The following GRID2 variants were observed in gnomAD, a reference collection of about 807,000 sequenced individuals.
GRID2 encodes the protein glutamate ionotropic receptor delta type subunit 2.
GRID2 carries 33 observed loss-of-function variants against 114.8 expected under a neutral mutation model. That is an observed-to-expected ratio of 0.29 (90% CI 0.22 to 0.38). The LOEUF (loss-of-function observed/expected upper bound fraction) is 0.38. Ranked by LOEUF, GRID2 falls within the 10% of genes least tolerant of loss-of-function variation. GRID2 has a pLI of 1.00. For missense variants in GRID2, 1,184 were observed against 1,257.7 expected (o/e 0.94, Z 0.89); for synonymous variants, 505 against 449.9 (o/e 1.12, Z -1.55).
chr4:93,346,037 A>C (rs1041858502), intron 8 of GRID2, among the ~76,000 whole-genome samples: 1 of 152,066 alleles, frequency 6.6e-6, no homozygotes, highest in Admixed American at 6.6e-5. Flanking sequence ...TGCTGTTTTA[A>C]TTGCTATAGC....
intron 1 of GRID2, among the ~76,000 whole-genome samples, chr4:92,334,593 T>C (rs1466680430): frequency 2.0e-5 from 3 of 152,050 alleles, no homozygotes; most frequent in South Asian, 4.1e-4. Context: ...CTCGTTTTTT[T>C]TTTTAACAAG....
intron 12 of GRID2, 129 bp from the exon 13 acceptor site, chr4:93,515,087 A>C (rs572672855): frequency 2.3e-6 from 1 of 443,140 alleles, no homozygotes; most frequent in East Asian, 3.4e-5. Context: ...TCAGAAAACA[A>C]TAAAATAAGA....
At chr4:93,106,904 T>C (rs1488219905) in intron 3 of GRID2, among the ~76,000 whole-genome samples, 2 of 152,130 alleles carry the variant, frequency 1.3e-5, no homozygotes. Flanking sequence ...TTACTAACAA[T>C]AAAGGAATTA....
At chr4:93,557,660 T>G (rs1418057182) in intron 13 of GRID2, among the ~76,000 whole-genome samples, 1 of 152,172 alleles carries the variant, frequency 6.6e-6, no homozygotes, top group Non-Finnish European at 1.5e-5. Context: ...CACCCCACTG[T>G]CAGTATTAGA....
intron 4 of GRID2, among the ~76,000 whole-genome samples, chr4:93,184,780 G>A (rs1051969092): frequency 1.3e-5 from 2 of 152,136 alleles, no homozygotes; most frequent in Non-Finnish European, 2.9e-5. Flanking sequence ...TACTCAGGAG[G>A]CTGAGACAGG....
chr4:93,722,212 GGCCAATAA>G (rs1729441921), intron 14 of GRID2, among the ~76,000 whole-genome samples: 1 of 151,828 alleles, frequency 6.6e-6, no homozygotes, highest in Admixed American at 6.6e-5. Context: ...CACCACGCCC[GGCCAATAA>G]GTTGTTAATA....
chr4:92,325,875 CAATT>C (rs1364807444), intron 1 of GRID2, among the ~76,000 whole-genome samples: 20 of 151,674 alleles, frequency 1.3e-4, no homozygotes. Flanking sequence ...TTTCAGCAAT[CAATT>C]CTTAATTTCT....
chr4:92,500,941 A>G (rs1401667366), intron 1 of GRID2, among the ~76,000 whole-genome samples: 1 of 152,082 alleles, frequency 6.6e-6, no homozygotes, highest in East Asian at 1.9e-4. Context: ...AGATTCATTC[A>G]TGTTCTGTTC....
At chr4:93,088,091 A>C (rs1171700989) in intron 3 of GRID2, among the ~76,000 whole-genome samples, 5 of 152,174 alleles carry the variant, frequency 3.3e-5, no homozygotes, top group African/African-American at 1.2e-4. Context: ...TTTTAAAAAG[A>C]TTTAGACTTC....
intron 2 of GRID2, among the ~76,000 whole-genome samples, chr4:92,876,073 A>G (rs1211889592): frequency 2.6e-5 from 4 of 151,936 alleles, no homozygotes; most frequent in Admixed American, 2.0e-4. Flanking sequence ...CCTATATACC[A>G]AATACTATAA....
chr4:92,884,851 G>A, intron 2 of GRID2: 1 of 385,160 alleles, frequency 2.6e-6, no homozygotes, highest in South Asian at 2.2e-5. Flanking sequence ...GAATTACTAA[G>A]TATGTCCATA....
intron 8 of GRID2, among the ~76,000 whole-genome samples, chr4:93,292,986 T>C (rs543616450): frequency 1.3e-5 from 2 of 152,286 alleles, no homozygotes; most frequent in Admixed American, 1.3e-4. Flanking sequence ...CCTTTAGCTG[T>C]GGAGTGTACT....
intron 2 of GRID2, among the ~76,000 whole-genome samples, chr4:92,759,153 G>A (rs541933356): frequency 3.3e-5 from 5 of 152,190 alleles, no homozygotes; most frequent in Admixed American, 2.6e-4. Flanking sequence ...CTAGTAGAGA[G>A]AAGGTCACAT....
chr4:93,294,666 C>T (rs925104614), intron 8 of GRID2, among the ~76,000 whole-genome samples: 6 of 152,128 alleles, frequency 3.9e-5, no homozygotes, highest in Non-Finnish European at 8.8e-5. Context: ...TCAAACAATT[C>T]TCCTGCCTCA....
intron 2 of GRID2, among the ~76,000 whole-genome samples, chr4:92,724,758 G>A (rs1176937716): frequency 6.6e-6 from 1 of 151,960 alleles, no homozygotes; most frequent in African/African-American, 2.4e-5. Flanking sequence ...ATGCTGTGAA[G>A]AATACATAAA....
chr4:93,802,106 G>C (rs1734942993), intron 1 of GRID2, among the ~76,000 whole-genome samples: 1 of 152,136 alleles, frequency 6.6e-6, no homozygotes, highest in Non-Finnish European at 1.5e-5. Flanking sequence ...CCGATTCCTG[G>C]GAAGTTCTTT....
chr4:92,311,777 A>T (rs1280663093), intron 1 of GRID2, among the ~76,000 whole-genome samples: 1 of 152,028 alleles, frequency 6.6e-6, no homozygotes, highest in Admixed American at 6.6e-5. Context: ...TAATTGGGAG[A>T]ATATTCTTTT....
Position 92,355,106 on chromosome 4 carries a change from A to T in GRID2, c.88+50362A>T, listed in dbSNP as rs1579229110. ...TGCCTTTTCTAATCATCAATATATG[A>T]TGCTGTTTTTTGAAATGTATTTGTT... On this transcript the variant is annotated intron_variant, in intron 1 of 15. Transcript: ENST00000282020. 2.0e-5 allele frequency among the ~76,000 whole-genome samples: 3 copies of T among 151,954 alleles called. No individual in the cohort carries two copies. In the East Asian group the frequency reaches 5.8e-4, roughly 30 times the overall value.
intron 2 of GRID2, among the ~76,000 whole-genome samples, chr4:92,919,895 C>T (rs556319287): frequency 4.6e-5 from 7 of 151,304 alleles, no homozygotes; most frequent in East Asian, 2.0e-4. Flanking sequence ...GAGTTCAATT[C>T]GATGTCCTTG....
Sources: allele counts gnomAD v4.1 joint callset (sites outside exome capture counted in the v4.1 genomes callset), GRCh38; gene constraint gnomAD v4.1.1; transcripts MANE v1.5; gene names NCBI Gene and HGNC (gene_info 2026-07-23, HGNC 2026-07-21).